Variants in LEPR observed in about 807,000 individuals in gnomAD.
The protein encoded by LEPR is leptin receptor.
A neutral mutation model predicts 114.7 loss-of-function variants in LEPR; 56 were observed. That is an observed-to-expected ratio of 0.49 (90% confidence interval 0.39 to 0.61). The LOEUF (loss-of-function observed/expected upper bound fraction) is 0.61, where lower values mean the gene tolerates loss of function less well. LEPR is among the 20% of genes least tolerant of loss of function. The pLI, the probability that LEPR is intolerant of heterozygous loss-of-function variation, is 0.00. For missense variants in LEPR, 1,202 were observed against 1,352.9 expected (o/e 0.89, Z 1.75); for synonymous variants, 443 against 461.4 (o/e 0.96, Z 0.51).
rs139811172 is a variant in LEPR, at chr1:65,544,193, C to A, written c.-20-21353C>A. On this transcript the variant is annotated intron_variant, in intron 2 of 19. Transcript: ENST00000349533. ...AAGAGGTCATTAGGTATTTTATTCT[C>A]TTTGTAGCAATTGTGAATGGGAGTT... 1.2e-3 allele frequency among the ~76,000 whole-genome samples: 184 copies of A among 151,674 alleles called. 4 individuals carry two copies. The highest frequency in any genetic ancestry group is 4.3e-3 in the African/African-American group (179 of 41,246).
intron 2 of LEPR, among the ~76,000 whole-genome samples, chr1:65,503,796 TACACACAC>T (rs71584485): frequency 0.24 from 34,651 of 147,172 alleles, 4,471 homozygotes; most frequent in Non-Finnish European, 0.3. Flanking sequence ...TGAAGTTAGC[TACACACAC>T]ACACACACAC....
intron 2 of LEPR, chr1:65,435,883 A>G (rs1646556286): frequency 1.0e-6 from 1 of 984,172 alleles, no homozygotes; most frequent in African/African-American, 1.7e-5. Context: ...CCACTGAGTA[A>G]TAGCTCATAA....
rs546091529 is a variant in LEPR at position 65,551,684 on chromosome 1, G to C, written c.-20-13862G>C. On this transcript the variant is annotated intron_variant, in intron 2 of 19. Coordinates refer to ENST00000349533, the MANE Select transcript of LEPR (RefSeq NM_002303.6). ...CCTGGATTCACTGAGTTTTTGAAGG[G>C]TTTTTCGTGTCTCTATCTCCTTCAG... 2.5e-4 allele frequency among the ~76,000 whole-genome samples: 38 copies of C among 152,134 alleles called. 2 individuals carry two copies. The South Asian group carries it at 7.7e-3, about 31-fold the overall frequency.
At chr1:65,592,920 G>A (rs1655806757) in intron 6 of LEPR, 55 bp downstream of exon 6, 2 of 1,587,528 alleles carry the variant, frequency 1.3e-6, no homozygotes, top group Admixed American at 3.4e-5. Context: ...CATATATAAA[G>A]GTTAAAAATT....
chr1:65,545,934 G>A (rs1269746029), intron 2 of LEPR, among the ~76,000 whole-genome samples: 1 of 151,720 alleles, frequency 6.6e-6, no homozygotes, highest in African/African-American at 2.4e-5. Flanking sequence ...GGTTTTTATG[G>A]TTTTAGGTCT....
chr1:65,567,722 ATTT>A (rs1412329859), intron 3 of LEPR, among the ~76,000 whole-genome samples: 1 of 152,204 alleles, frequency 6.6e-6, no homozygotes, highest in Non-Finnish European at 1.5e-5. Context: ...TTGATTAAAA[ATTT>A]TATTTTCTTA....
At position 65,517,568 on chromosome 1, in the gene LEPR, C is replaced by T. The variant is rs772669894; in HGVS notation, c.-20-47978C>T. Among the ~76,000 whole-genome samples, 109 of 152,130 alleles carry T rather than the reference C, an allele frequency of 7.2e-4. 1 individual carries two copies. The highest frequency in any genetic ancestry group is 5.2e-4 in the Admixed American group (8 of 15,274). On this transcript the variant is annotated intron_variant, in intron 2 of 19. Transcript: ENST00000349533. ...TATGGATGGTGGATCAACTCTATTG[C>T]GGATACTCAGTAACATTTTTACTCT... is the stretch of plus-strand genomic sequence containing the variant.
At chr1:65,478,110 T>C (rs546881278) in intron 2 of LEPR, among the ~76,000 whole-genome samples, 8 of 152,276 alleles carry the variant, frequency 5.3e-5, no homozygotes, top group African/African-American at 1.9e-4. Flanking sequence ...GGTCTGAAAG[T>C]AGTAATTTTG....
intron 2 of LEPR, among the ~76,000 whole-genome samples, chr1:65,480,321 A>G (rs2100447169): frequency 6.6e-6 from 1 of 152,340 alleles, no homozygotes; most frequent in Admixed American, 6.5e-5. Context: ...TCTGGGATCC[A>G]GAAAAATATT....
chr1:65,487,441 A>G (rs1647548856), intron 2 of LEPR, among the ~76,000 whole-genome samples: 1 of 152,074 alleles, frequency 6.6e-6, no homozygotes, highest in South Asian at 2.1e-4. Flanking sequence ...TAGTAAGTAA[A>G]TATTGGATAC....
At chr1:65,627,483 G>T (rs1414914639) in intron 19 of LEPR, among the ~76,000 whole-genome samples, 1 of 152,100 alleles carries the variant, frequency 6.6e-6, no homozygotes, top group Non-Finnish European at 1.5e-5. Flanking sequence ...AGAATAGAGA[G>T]AAATTAGAAT....
At chr1:65,435,749 C>A in intron 2 of LEPR, 1 of 984,704 alleles carries the variant, frequency 1.0e-6, no homozygotes, top group African/African-American at 1.7e-5. Flanking sequence ...TAGCATTTTC[C>A]AAGCATAGTA....
intron 12 of LEPR, among the ~76,000 whole-genome samples, chr1:65,609,160 C>G (rs1372998130): frequency 6.6e-6 from 1 of 152,202 alleles, no homozygotes; most frequent in Non-Finnish European, 1.5e-5. Flanking sequence ...ATGGCTAAAT[C>G]AGTTTAGGAA....
chr1:65,583,378 A>G (rs1655117728), intron 5 of LEPR, among the ~76,000 whole-genome samples: 1 of 152,198 alleles, frequency 6.6e-6, no homozygotes, highest in Non-Finnish European at 1.5e-5. Context: ...AACAGTTATC[A>G]GGGAGCTATA....
intron 4 of LEPR, 117 bp downstream of exon 4, chr1:65,570,919 T>C: frequency 1.2e-6 from 1 of 857,274 alleles, no homozygotes; most frequent in Non-Finnish European, 1.6e-6. Flanking sequence ...TTTATATGGA[T>C]AATAAAATTA....
intron 2 of LEPR, among the ~76,000 whole-genome samples, chr1:65,558,501 G>GTTTTTTTTTTTTTTTTTTTTTTTT (rs781558613): frequency 2.2e-4 from 5 of 23,156 alleles, no homozygotes; most frequent in Non-Finnish European, 3.3e-4. Flanking sequence ...GTTTCTTAAT[G>GTTTTTTTTTTTTTTTTTTTTTTTT]TTTTTTTTTT....
rs141311423 is a variant in LEPR at position 65,633,757 on chromosome 1, A to G, written c.2674-2434A>G. 99 of 985,416 alleles carry G rather than the reference A, an allele frequency of 1.0e-4. 1 individual carries two copies. In the African/African-American group the frequency reaches 1.5e-3, roughly 15 times the overall value. 61.0% of individuals were successfully genotyped at this position (985,416 alleles called of 1,614,324 possible). ...GCATTTTTGTATCTAACTTTGTTCA[A>G]TCTGGGAATTTCAGTTTTCAATATC... is the stretch of plus-strand genomic sequence containing the variant. On this transcript the variant is annotated intron_variant, in intron 19 of 19. Transcript: ENST00000349533. The surrounding 1 kb of genome is among the most constrained non-coding windows in gnomAD (Gnocchi z 4.1).
At chr1:65,460,359 G>T (rs1557604193) in intron 2 of LEPR, among the ~76,000 whole-genome samples, 2 of 152,042 alleles carry the variant, frequency 1.3e-5, no homozygotes, top group South Asian at 2.1e-4. Context: ...CCACCTCCCT[G>T]AGTGCTGGAA....
At chr1:65,434,969 A>T in intron 2 of LEPR, 1 of 985,518 alleles carries the variant, frequency 1.0e-6, no homozygotes, top group Non-Finnish European at 1.2e-6. Context: ...TGACACCTGC[A>T]TTGGGCCGAC....
Sources: allele counts gnomAD v4.1 joint callset (sites outside exome capture counted in the v4.1 genomes callset), GRCh38; gene constraint gnomAD v4.1.1; non-coding constraint Gnocchi (gnomAD v3.1); transcripts MANE v1.5; gene names NCBI Gene and HGNC (gene_info 2026-07-23, HGNC 2026-07-21).